RERE: variants seen among roughly 807,000 people sequenced by gnomAD.
RERE encodes arginine-glutamic acid dipeptide repeats, also known as arginine-glutamic acid dipeptide repeats protein.
In RERE, 40 loss-of-function variants were observed where a neutral mutation model predicts 146.1. That is an observed-to-expected ratio of 0.27 (90% confidence interval 0.21 to 0.36). RERE has a LOEUF of 0.36. Ranked by LOEUF, RERE falls within the 10% of genes least tolerant of loss-of-function variation. The probability of loss-of-function intolerance (pLI) is 1.00; values close to 1 mark genes in which losing one functional copy is unlikely to be tolerated. For synonymous variants in RERE, 1,003 were observed against 866.0 expected (o/e 1.16, Z -2.78); for missense variants, 1,933 against 2,138.7 (o/e 0.90, Z 1.90).
intron 1 of RERE, among the ~76,000 whole-genome samples, chr1:8,760,492 T>C (rs1414882842): frequency 5.3e-5 from 8 of 152,174 alleles, no homozygotes; most frequent in Admixed American, 2.6e-4. Flanking sequence ...AGGGACCTGG[T>C]AGAGGTGTGA....
intron 8 of RERE, among the ~76,000 whole-genome samples, chr1:8,499,499 G>A (rs1645100161): frequency 6.6e-6 from 1 of 152,186 alleles, no homozygotes; most frequent in African/African-American, 2.4e-5. Context: ...CACAGGAATG[G>A]GACCCAGTGT....
intron 1 of RERE, among the ~76,000 whole-genome samples, chr1:8,745,620 C>T (rs1448350458): frequency 6.6e-6 from 1 of 152,174 alleles, no homozygotes; most frequent in Non-Finnish European, 1.5e-5. Context: ...CAGGATTCCA[C>T]GGTTCACTGA....
At chr1:8,559,988 G>C (rs143226030) in intron 4 of RERE, among the ~76,000 whole-genome samples, 8 of 152,314 alleles carry the variant, frequency 5.3e-5, no homozygotes, top group African/African-American at 1.7e-4. Context: ...GAACTTAAGA[G>C]GGGTAGAGGA....
chr1:8,708,947 C>G (rs548165953), intron 1 of RERE, among the ~76,000 whole-genome samples: 1,580 of 116,946 alleles, frequency 0.014, 12 homozygotes, highest in Middle Eastern at 0.08. Flanking sequence ...GAGTCTCACT[C>G]TGTCGCCCAG....
chr1:8,779,343 T>C (rs958344142), intron 1 of RERE, among the ~76,000 whole-genome samples: 1 of 150,194 alleles, frequency 6.7e-6, no homozygotes, highest in Admixed American at 6.6e-5. Flanking sequence ...CTGGCCAACA[T>C]GGTGAAACCC....
rs372847629 is a variant in RERE, at chr1:8,361,435, C to G, written c.2072G>C (p.Arg691Pro). ...SEGEGESSDSRSVNDEGSSDP... is the reference protein window; with the variant it reads ...SEGEGESSDSPSVNDEGSSDP... ...ACTGCTACCCTCATCGTTGACGCTG[C>G]GACTGTCTGAACTCTCTCCCTCACC... The change falls in exon 18 of 23, where the codon CGC becomes CCC. Residue 691 changes from arginine (R) to proline (P), a missense_variant. Physicochemically the swap from Arg to Pro is moderately radical, Grantham distance 103. Around this residue, in one of 11 missense-constraint regions of RERE, gnomAD observed 1,255 missense variants for 1,153.8 expected, o/e 1.09. Coordinates refer to ENST00000400908, the MANE Select transcript of RERE (RefSeq NM_001042681.2). 11 of 1,613,718 alleles carry G rather than the reference C, an allele frequency of 6.8e-6. No individual in the cohort carries two copies. The highest frequency in any genetic ancestry group is 9.3e-6 in the Non-Finnish European group (11 of 1,179,954).
chr1:8,371,971 G>A (rs889406420), intron 12 of RERE, among the ~76,000 whole-genome samples: 2 of 152,180 alleles, frequency 1.3e-5, no homozygotes, highest in South Asian at 2.1e-4. Context: ...TTACCTGTGC[G>A]CATTTGGTAA....
intron 1 of RERE, among the ~76,000 whole-genome samples, chr1:8,792,751 C>A (rs1244785417): frequency 6.6e-6 from 1 of 152,180 alleles, no homozygotes; most frequent in Non-Finnish European, 1.5e-5. Flanking sequence ...ACATTCAATT[C>A]CCTAACACCT....
intron 6 of RERE, among the ~76,000 whole-genome samples, chr1:8,552,264 C>A (rs1395563144): frequency 2.0e-5 from 3 of 152,214 alleles, no homozygotes; most frequent in Non-Finnish European, 4.4e-5. Flanking sequence ...CTAGCACCAG[C>A]TTGAAAGCAA....
intron 1 of RERE, among the ~76,000 whole-genome samples, chr1:8,810,108 C>T (rs571865076): frequency 2.3e-4 from 35 of 152,152 alleles, no homozygotes; most frequent in Non-Finnish European, 4.4e-4. Context: ...CGGGTTCAAG[C>T]GATTCTTCCA....
intron 1 of RERE, chr1:8,750,389 T>C (rs1035541288): frequency 1.5e-5 from 10 of 687,160 alleles, no homozygotes; most frequent in African/African-American, 5.3e-5. Context: ...ACAAACCCAG[T>C]AGTCTTTTAA....
intron 1 of RERE, among the ~76,000 whole-genome samples, chr1:8,693,237 C>T (rs990588664): frequency 1.3e-5 from 2 of 152,150 alleles, no homozygotes; most frequent in Admixed American, 1.3e-4. Context: ...AAATCACACA[C>T]CTTCATATTT....
In RERE at chr1:8,356,791, T is replaced by C. The variant is rs1261835298; in HGVS notation, c.4340-545A>G. 6.6e-6 allele frequency among the ~76,000 whole-genome samples: 1 copy of C among 152,166 alleles called. No individual in the cohort carries two copies. Among genetic ancestry groups the C allele is most frequent in the Non-Finnish European group, 1.5e-5 (1 of 68,016 alleles). ...CTCCCTTCAGAACGTTGCCTTGATC[T>C]GACCTCACTGCACCACCTCCTGCCC... On this transcript the variant is annotated intron_variant, in intron 20 of 22. Transcript: ENST00000400908. This position sits in a 1 kb window ranked among gnomAD's most constrained non-coding sequence, Gnocchi z 5.2.
intron 4 of RERE, among the ~76,000 whole-genome samples, chr1:8,562,277 A>G (rs1646087530): frequency 1.3e-5 from 2 of 152,350 alleles, no homozygotes; most frequent in South Asian, 4.1e-4. Flanking sequence ...GAAGCTTGTC[A>G]AGAATTTCTC....
At chr1:8,705,915 G>C in intron 1 of RERE, among the ~76,000 whole-genome samples, 1 of 152,070 alleles carries the variant, frequency 6.6e-6, no homozygotes, top group East Asian at 1.9e-4. Flanking sequence ...AGGAGATCGA[G>C]ACCATCCTGG....
chr1:8,374,393 C>T (rs757555160), intron 12 of RERE, among the ~76,000 whole-genome samples: 17 of 152,162 alleles, frequency 1.1e-4, no homozygotes, highest in Non-Finnish European at 1.9e-4. Flanking sequence ...ACTACATTTA[C>T]CACTCCATTT....
At chr1:8,780,749 A>T (rs1641148822) in intron 1 of RERE, among the ~76,000 whole-genome samples, 1 of 152,226 alleles carries the variant, frequency 6.6e-6, no homozygotes, top group Admixed American at 6.5e-5. Context: ...AAACTATTGT[A>T]ATCTTACTAT....
At position 8,362,917 on chromosome 1, in the gene RERE, C is replaced by T. The variant is rs1481467661; in HGVS notation, c.1741-73G>A. 4 of 1,530,978 alleles carry T rather than the reference C, an allele frequency of 2.6e-6. No homozygotes were observed. In the Admixed American group the frequency reaches 5.5e-5, roughly 21 times the overall value. The allele number at this position is 1,530,978 out of a possible 1,614,324, so 94.8% of individuals were successfully genotyped here. A position where few individuals can be genotyped will look rare whatever the true frequency, so the allele number is the denominator to read the frequency against. On this transcript the variant is annotated intron_variant, in intron 15 of 22. Transcript: ENST00000400908. ...TGTGGACCCACCTGAGCCCAACCCACAGGCAGAAGCCTGAAGGCACACCCT... is the reference window on the plus strand; with the variant it reads ...TGTGGACCCACCTGAGCCCAACCCATAGGCAGAAGCCTGAAGGCACACCCT...
intron 8 of RERE, among the ~76,000 whole-genome samples, chr1:8,498,732 T>TAAACAC (rs150497092): frequency 5.6e-5 from 6 of 107,836 alleles, no homozygotes; most frequent in African/African-American, 1.5e-4. Flanking sequence ...AATAAATATA[T>TAAACAC]ACACACACAC....
Sources: allele counts gnomAD v4.1 joint callset (sites outside exome capture counted in the v4.1 genomes callset), GRCh38; gene constraint gnomAD v4.1.1; regional missense constraint gnomAD v4.1.1; non-coding constraint Gnocchi (gnomAD v3.1); transcripts MANE v1.5; gene names NCBI Gene and HGNC (gene_info 2026-07-23, HGNC 2026-07-21).